FRMD5: variants seen among roughly 807,000 people sequenced by gnomAD.
The protein encoded by FRMD5 is FERM domain containing 5.
In FRMD5, 20 loss-of-function variants were observed where a neutral mutation model predicts 69.0. That is an observed-to-expected ratio of 0.29 (90% confidence interval 0.20 to 0.42). The LOEUF (loss-of-function observed/expected upper bound fraction) is 0.42. FRMD5 is among the 10% of genes least tolerant of loss of function. The pLI is 1.00. For synonymous variants in FRMD5, 271 were observed against 260.1 expected (o/e 1.04, Z -0.40); for missense variants, 595 against 708.6 (o/e 0.84, Z 1.82).
At chr15:44,166,715 T>C (rs1007710589) in intron 1 of FRMD5, among the ~76,000 whole-genome samples, 37 of 134,578 alleles carry the variant, frequency 2.7e-4, no homozygotes, top group Non-Finnish European at 1.2e-4. Flanking sequence ...ACCCGGGAGG[T>C]AGAGGTTGCA....
chr15:44,138,659 G>T (rs963345610), intron 1 of FRMD5, among the ~76,000 whole-genome samples: 1 of 152,126 alleles, frequency 6.6e-6, no homozygotes, highest in African/African-American at 2.4e-5. Flanking sequence ...ATATACTTCA[G>T]AAAGAAGAGC....
At chr15:44,100,624 A>G (rs2076625079) in intron 1 of FRMD5, among the ~76,000 whole-genome samples, 1 of 152,190 alleles carries the variant, frequency 6.6e-6, no homozygotes, top group Non-Finnish European at 1.5e-5. Context: ...CATGGGACCC[A>G]AGCTCTCTTG....
chr15:43,965,137 TTAATGAAAG>T (rs2090272013), intron 1 of FRMD5, among the ~76,000 whole-genome samples: 2 of 152,220 alleles, frequency 1.3e-5, no homozygotes, highest in African/African-American at 4.8e-5. Context: ...ATAACCCTTA[TTAATGAAAG>T]ATGCACAAAA....
intron 1 of FRMD5, among the ~76,000 whole-genome samples, chr15:44,022,692 G>A (rs112715331): frequency 2.0e-5 from 3 of 150,996 alleles, no homozygotes; most frequent in African/African-American, 7.3e-5. Flanking sequence ...TTTAACAATC[G>A]TATTTTGTGG....
chr15:44,141,261 A>C (rs1160529640), intron 1 of FRMD5, among the ~76,000 whole-genome samples: 2 of 152,238 alleles, frequency 1.3e-5, no homozygotes, highest in Non-Finnish European at 2.9e-5. Context: ...AATTTTACAG[A>C]AGTTGACAAG....
chr15:44,092,860 A>G (rs983440620), intron 1 of FRMD5, among the ~76,000 whole-genome samples: 1 of 149,524 alleles, frequency 6.7e-6, no homozygotes, highest in Non-Finnish European at 1.5e-5. Flanking sequence ...TTCTCTCCCT[A>G]TACTGTCCTC....
intron 1 of FRMD5, among the ~76,000 whole-genome samples, chr15:44,065,070 C>G (rs1232198315): frequency 6.6e-6 from 1 of 152,226 alleles, no homozygotes; most frequent in African/African-American, 2.4e-5. Flanking sequence ...GGGTTCCAAT[C>G]TTGGCTCAGC....
At chr15:44,003,270 C>A (rs142323421) in intron 1 of FRMD5, among the ~76,000 whole-genome samples, 1 of 152,226 alleles carries the variant, frequency 6.6e-6, no homozygotes, top group Admixed American at 6.5e-5. Flanking sequence ...CCACCACCAT[C>A]GTCTTGGGCC....
At position 43,978,140 on chromosome 15, in the gene FRMD5, G is replaced by A. The variant is rs1019176276; in HGVS notation, c.103-53831C>T. On this transcript the variant is annotated intron_variant, in intron 1 of 13. Coordinates refer to ENST00000417257, the MANE Select transcript of FRMD5 (RefSeq NM_032892.5). ...TTCTTGTAAATAAACCTGTTTGGCC[G>A]TTGAGTTGCCTTCTCTCTCACTTCC... Among the ~76,000 whole-genome samples the A allele has an allele frequency of 5.9e-5, 9 of 152,302 alleles. 1 individual carries two copies. Among genetic ancestry groups the A allele is most frequent in the Non-Finnish European group, 5.9e-5 (4 of 68,032 alleles).
intron 1 of FRMD5, among the ~76,000 whole-genome samples, chr15:44,025,290 C>T (rs962803478): frequency 6.6e-6 from 1 of 151,946 alleles, no homozygotes; most frequent in Non-Finnish European, 1.5e-5. Context: ...GAAGAGGTAA[C>T]GTCTAGCTAG....
At chr15:44,110,351 C>G (rs1339938682) in intron 1 of FRMD5, among the ~76,000 whole-genome samples, 1 of 152,182 alleles carries the variant, frequency 6.6e-6, no homozygotes, top group Non-Finnish European at 1.5e-5. Context: ...CAGCACCATG[C>G]CCAGCTACGT....
At chr15:44,063,773 G>T in intron 1 of FRMD5, 1 of 329,366 alleles carries the variant, frequency 3.0e-6, no homozygotes, top group Non-Finnish European at 5.9e-6. Flanking sequence ...ATCAAATGGG[G>T]TGATGCTGGC....
chr15:43,999,986 ATATG>A (rs1212573639), intron 1 of FRMD5, among the ~76,000 whole-genome samples: 20 of 118,106 alleles, frequency 1.7e-4, no homozygotes, highest in African/African-American at 6.9e-4. Flanking sequence ...ATATATATAT[ATATG>A]TGCCATGATT....
At chr15:43,958,792 A>T (rs1158241652) in intron 1 of FRMD5, among the ~76,000 whole-genome samples, 1 of 151,938 alleles carries the variant, frequency 6.6e-6, no homozygotes, top group African/African-American at 2.4e-5. Context: ...TACATTCTAT[A>T]CTCAAGTTCT....
At chr15:43,955,895 C>T (rs1282504751) in intron 1 of FRMD5, among the ~76,000 whole-genome samples, 1 of 151,842 alleles carries the variant, frequency 6.6e-6, no homozygotes, top group Non-Finnish European at 1.5e-5. Context: ...ACTGAGGATC[C>T]ATTTGGGGTT....
chr15:44,151,884 A>C (rs2140474551), intron 1 of FRMD5, among the ~76,000 whole-genome samples: 1 of 152,210 alleles, frequency 6.6e-6, no homozygotes, highest in East Asian at 2.0e-4. Context: ...TAAACTCCTA[A>C]AACAAACAAA....
At chr15:43,915,672 A>C (rs1324718213) in intron 4 of FRMD5, among the ~76,000 whole-genome samples, 1 of 152,194 alleles carries the variant, frequency 6.6e-6, no homozygotes, top group African/African-American at 2.4e-5. Flanking sequence ...TAAAAATGAC[A>C]AAAGAAATTA....
chr15:44,115,754 A>G (rs982920506), intron 1 of FRMD5, among the ~76,000 whole-genome samples: 4 of 152,258 alleles, frequency 2.6e-5, no homozygotes, highest in Non-Finnish European at 5.9e-5. Context: ...GAATCAGATC[A>G]GAGAAACAAG....
chr15:44,102,780 T>C (rs766199099), intron 1 of FRMD5, among the ~76,000 whole-genome samples: 4 of 152,186 alleles, frequency 2.6e-5, no homozygotes, highest in Non-Finnish European at 5.9e-5. Context: ...ACTGACTCAC[T>C]TGGGAATCAC....
Sources: allele counts gnomAD v4.1 joint callset (sites outside exome capture counted in the v4.1 genomes callset), GRCh38; gene constraint gnomAD v4.1.1; transcripts MANE v1.5; gene names NCBI Gene and HGNC (gene_info 2026-07-23, HGNC 2026-07-21).